Variants in THRB observed in about 807,000 individuals in gnomAD.
The protein encoded by THRB is thyroid hormone receptor beta, also known as nuclear receptor subfamily 1 group A member 2.
A neutral mutation model predicts 47.8 loss-of-function variants in THRB; 12 were observed. The observed-to-expected ratio is 0.25, with a 90% CI of 0.16 to 0.41. The LOEUF (loss-of-function observed/expected upper bound fraction) is 0.41. Ranked by LOEUF, THRB falls within the 10% of genes least tolerant of loss-of-function variation. The probability of loss-of-function intolerance (pLI) is 1.00; values close to 1 mark genes in which losing one functional copy is unlikely to be tolerated. For synonymous variants in THRB, 218 were observed against 212.2 expected, an observed-to-expected ratio of 1.03 and a Z score of -0.24; for missense variants, 348 against 589.2, an observed-to-expected ratio of 0.59 and a Z score of 4.24.
chr3:24,447,896 C>T (rs2072257999), intron 1 of THRB, among the ~76,000 whole-genome samples: 1 of 151,942 alleles, frequency 6.6e-6, no homozygotes, highest in Non-Finnish European at 1.5e-5. Flanking sequence ...TCTTGCTGAC[C>T]ACCAAGATTG....
At chr3:24,315,568 C>T (rs1037042150) in intron 2 of THRB, among the ~76,000 whole-genome samples, 4 of 152,138 alleles carry the variant, frequency 2.6e-5, no homozygotes, top group Non-Finnish European at 4.4e-5. Context: ...CTGTGCCTCC[C>T]GGCCTTCTAT....
chr3:24,231,369 C>A (rs903754293), intron 3 of THRB, among the ~76,000 whole-genome samples: 1 of 151,918 alleles, frequency 6.6e-6, no homozygotes, highest in South Asian at 2.1e-4. Context: ...GTGTGTGGGG[C>A]GGAAAGTATC....
chr3:24,123,273 T>A, intron 10 of THRB, 148 bp from the exon 11 acceptor site: 2 of 1,127,268 alleles, frequency 1.8e-6, no homozygotes, highest in South Asian at 1.3e-5. Flanking sequence ...ACTCTGGTGC[T>A]CCAGGGACCA....
At chr3:24,151,565 CTTCT>C (rs770089477) in intron 6 of THRB, among the ~76,000 whole-genome samples, 18 of 152,234 alleles carry the variant, frequency 1.2e-4, no homozygotes, top group Non-Finnish European at 2.4e-4. Context: ...ACTTTAAATA[CTTCT>C]TTATTTATGA....
intron 4 of THRB, among the ~76,000 whole-genome samples, chr3:24,228,282 C>T (rs1294952669): frequency 1.3e-5 from 2 of 152,268 alleles, no homozygotes; most frequent in Admixed American, 6.5e-5. Context: ...CCTTGTATTC[C>T]TCCAAGGTCA....
rs1386331407 is a variant in THRB, at chr3:24,432,767, A to G, written c.-261+61885T>C. On this transcript the variant is annotated intron_variant, in intron 1 of 10. Coordinates refer to ENST00000646209, the MANE Select transcript of THRB (RefSeq NM_001354712.2). ...GAGTGGCTCCCCACTGCCAATGGAT[A>G]GAAATGTACTGAGGCTGATTTAAGG... Among the ~76,000 whole-genome samples, 3 of 152,052 alleles carry G rather than the reference A, an allele frequency of 2.0e-5. No homozygotes were observed. The East Asian group carries it at 5.8e-4, about 29-fold the overall frequency.
At chr3:24,203,514 T>C (rs533660030) in intron 4 of THRB, among the ~76,000 whole-genome samples, 4 of 152,212 alleles carry the variant, frequency 2.6e-5, no homozygotes, top group African/African-American at 9.6e-5. Context: ...TTGAGAGACA[T>C]AAGTTTTGGG....
chr3:24,418,400 T>G (rs1324850318), intron 1 of THRB, among the ~76,000 whole-genome samples: 1 of 151,814 alleles, frequency 6.6e-6, no homozygotes, highest in Non-Finnish European at 1.5e-5. Flanking sequence ...CCACCCCCAC[T>G]TAACACTGAA....
intron 5 of THRB, among the ~76,000 whole-genome samples, chr3:24,179,344 A>G (rs1330090189): frequency 6.6e-6 from 1 of 152,262 alleles, no homozygotes; most frequent in Non-Finnish European, 1.5e-5. Flanking sequence ...TTTAGCAGGT[A>G]TTTAGAGTTA....
rs1336153126 is a variant in THRB, at chr3:24,307,397, T to C, written c.-188-10026A>G. On this transcript the variant is annotated intron_variant, in intron 2 of 10. Transcript: ENST00000646209. ...TTTAGTTTTTTATGCATCTGTTTTT[T>C]ATATAGTTGAAATTCTAAATAAATT... Among the ~76,000 whole-genome samples, 5 of 152,138 alleles carry C rather than the reference T, an allele frequency of 3.3e-5. No homozygotes were observed. The South Asian group carries it at 6.2e-4, about 19-fold the overall frequency.
chr3:24,373,505 T>C (rs1279806734), intron 1 of THRB, among the ~76,000 whole-genome samples: 4 of 151,992 alleles, frequency 2.6e-5, no homozygotes, highest in African/African-American at 9.7e-5. Context: ...TTCACAAAGG[T>C]AACTACTCTT....
chr3:24,427,580 T>A (rs1272210490), intron 1 of THRB, among the ~76,000 whole-genome samples: 1 of 152,032 alleles, frequency 6.6e-6, no homozygotes, highest in African/African-American at 2.4e-5. Flanking sequence ...AATTAACCTA[T>A]CATTTATGCC....
intron 2 of THRB, among the ~76,000 whole-genome samples, chr3:24,305,861 C>G (rs1198855546): frequency 2.0e-5 from 3 of 152,128 alleles, no homozygotes; most frequent in Non-Finnish European, 4.4e-5. Flanking sequence ...TCAGGTTTAC[C>G]TTCCTCTAAT....
chr3:24,248,480 CTGGGTGCT>C, intron 3 of THRB, among the ~76,000 whole-genome samples: 1 of 151,666 alleles, frequency 6.6e-6, no homozygotes, highest in African/African-American at 2.4e-5. Context: ...GACCCAAAAG[CTGGGTGCT>C]AGTTTGTTAC....
At chr3:24,171,908 G>A (rs1044430096) in intron 5 of THRB, among the ~76,000 whole-genome samples, 1 of 152,120 alleles carries the variant, frequency 6.6e-6, no homozygotes, top group East Asian at 1.9e-4. Context: ...TGGCTACTGG[G>A]TTAATATTCA....
chr3:24,349,478 C>G (rs1335311144), intron 1 of THRB, among the ~76,000 whole-genome samples: 2 of 152,078 alleles, frequency 1.3e-5, no homozygotes, highest in African/African-American at 2.4e-5. Context: ...TTAATTAAAA[C>G]AGTATGCTAT....
intron 3 of THRB, among the ~76,000 whole-genome samples, chr3:24,268,276 G>A (rs1348039569): frequency 1.3e-5 from 2 of 152,134 alleles, no homozygotes; most frequent in Non-Finnish European, 2.9e-5. Context: ...TTTACCTATA[G>A]AATATGACTA....
intron 3 of THRB, among the ~76,000 whole-genome samples, chr3:24,269,309 A>T (rs922637996): frequency 2.4e-5 from 3 of 126,246 alleles, no homozygotes; most frequent in East Asian, 2.4e-4. Context: ...ACACACACAC[A>T]CACACACACA....
At chr3:24,454,251 T>G (rs2125570695) in intron 1 of THRB, among the ~76,000 whole-genome samples, 1 of 152,288 alleles carries the variant, frequency 6.6e-6, no homozygotes, top group Non-Finnish European at 1.5e-5. Context: ...AAGAAATCAG[T>G]CACAAAAAGT....
Sources: allele counts gnomAD v4.1 joint callset (sites outside exome capture counted in the v4.1 genomes callset), GRCh38; gene constraint gnomAD v4.1.1; transcripts MANE v1.5; gene names NCBI Gene and HGNC (gene_info 2026-07-23, HGNC 2026-07-21).